Variants in ATR observed in about 807,000 individuals in gnomAD.
The protein encoded by ATR is serine/threonine-protein kinase ATR.
Under a neutral mutation model 305.3 loss-of-function variants are expected in ATR, and 142 were observed. The ratio of observed to expected loss-of-function variants is 0.47; its 90% CI spans 0.41 to 0.53. The LOEUF (loss-of-function observed/expected upper bound fraction) is 0.53. ATR is among the 20% of genes least tolerant of loss of function. ATR has a pLI of 0.00. For missense variants in ATR, 2,135 were observed against 3,133.1 expected, an observed-to-expected ratio of 0.68 and a Z score of 7.60; for synonymous variants, 1,050 against 1,068.1, an observed-to-expected ratio of 0.98 and a Z score of 0.33.
Position 142,509,324 on chromosome 3 carries a change from T to A in ATR, c.4853-1215A>T, listed in dbSNP as rs541872858. ...GACCATAGGCATGTGCCACCACGCC[T>A]GGCCAAGTTTTGTATTTTTTGTAAA... On this transcript the variant is annotated intron_variant, in intron 27 of 46. Transcript: ENST00000350721. Among the ~76,000 whole-genome samples the A allele has an allele frequency of 3.9e-5, 6 of 152,008 alleles. No individual in the cohort carries two copies. In the East Asian group the frequency reaches 1.2e-3, roughly 30 times the overall value.
intron 19 of ATR, 97 bp downstream of exon 19, chr3:142,538,385 A>C (rs1027175533): frequency 1.5e-6 from 2 of 1,365,494 alleles, no homozygotes; most frequent in Admixed American, 2.1e-5. Flanking sequence ...CCTGAAATTC[A>C]AAAAAGTGAC....
chr3:142,561,306 G>A lies in ATR; in HGVS notation c.1286C>T (p.Pro429Leu). Residue 429 changes from proline (P) to leucine (L), a missense_variant, in exon 5 of 47, where the codon CCC (proline) becomes CTC (leucine). Pro to Leu is a moderately conservative substitution (Grantham distance 98). Coordinates refer to ENST00000350721, the MANE Select transcript of ATR (RefSeq NM_001184.4). ...AGACGAGCTGAGACGACGCCTTTTG[G>A]GTGATATTCCATCACTATTACTGCT... The part of the protein sequence containing the change: ...NLSSNSDGIS[P>L]KRRRLSSSLN... 1 of 1,613,978 alleles carries A rather than the reference G, an allele frequency of 6.2e-7. No homozygotes were observed. The highest frequency in any genetic ancestry group is 8.5e-7 in the Non-Finnish European group (1 of 1,179,946).
rs1017800629 is a variant in ATR at position 142,521,085 on chromosome 3, C to T, written c.4267-1301G>A. On this transcript the variant is annotated intron_variant, in intron 23 of 46. Coordinates refer to ENST00000350721, the MANE Select transcript of ATR (RefSeq NM_001184.4). ...GGCTAAATCTAAATATATGCGTCTA[C>T]TATATACCCATAAAAATTGAAAATT... Among the ~76,000 whole-genome samples, 6 of 152,112 alleles carry T rather than the reference C, an allele frequency of 3.9e-5. No homozygotes were observed. The South Asian group carries it at 1.0e-3, about 26-fold the overall frequency.
intron 46 of ATR, chr3:142,451,543 G>A (rs560808389): frequency 3.0e-5 from 41 of 1,361,528 alleles, no homozygotes; most frequent in Non-Finnish European, 3.9e-5. Context: ...CCTATATCCA[G>A]AGTGGGCACT....
At chr3:142,486,092 C>G (rs1245107474) in intron 35 of ATR, among the ~76,000 whole-genome samples, 2 of 152,114 alleles carry the variant, frequency 1.3e-5, no homozygotes, top group African/African-American at 4.8e-5. Flanking sequence ...TTTTGCTGTT[C>G]CTGCCTTAAA....
intron 34 of ATR, among the ~76,000 whole-genome samples, chr3:142,496,086 A>C (rs2031573753): frequency 6.6e-6 from 1 of 151,608 alleles, no homozygotes; most frequent in Non-Finnish European, 1.5e-5. Context: ...AATGTAAGAT[A>C]GATGAAAACT....
chr3:142,504,860 G>C (rs533574436), intron 29 of ATR, among the ~76,000 whole-genome samples: 1 of 152,226 alleles, frequency 6.6e-6, no homozygotes, highest in Admixed American at 6.5e-5. Flanking sequence ...GACACTCAGT[G>C]ACACTGACAG....
At chr3:142,531,210 A>G (rs2033624776) in intron 21 of ATR, among the ~76,000 whole-genome samples, 1 of 152,130 alleles carries the variant, frequency 6.6e-6, no homozygotes, top group African/African-American at 2.4e-5. Flanking sequence ...CCATTATCCT[A>G]AGACAACCTG....
chr3:142,525,612 C>T (rs1345816000), intron 21 of ATR, among the ~76,000 whole-genome samples: 2 of 152,098 alleles, frequency 1.3e-5, no homozygotes, highest in African/African-American at 4.8e-5. Flanking sequence ...GATCTGGTGG[C>T]AGGTGTTTGG....
Position 142,481,100 on chromosome 3 carries a change from C to G in ATR, c.6221+4040G>C, listed in dbSNP as rs1031511856. On this transcript the variant is annotated intron_variant, in intron 36 of 46. Coordinates refer to ENST00000350721, the MANE Select transcript of ATR (RefSeq NM_001184.4). ...GTGCGCTGCACCCACTGTCCTGCAC[C>G]CACTGTCTGACAAGCCCCAGTGAGA... Among the ~76,000 whole-genome samples, 5 of 152,314 alleles carry G rather than the reference C, an allele frequency of 3.3e-5. No homozygotes were observed. The South Asian group carries it at 1.0e-3, about 32-fold the overall frequency.
chr3:142,528,877 A>ATTTTTTTT (rs201313146), intron 21 of ATR, among the ~76,000 whole-genome samples: 636 of 47,588 alleles, frequency 0.013, 12 homozygotes, highest in Non-Finnish European at 0.016. Flanking sequence ...ATATATATAT[A>ATTTTTTTT]TATTTTTTTT....
chr3:142,466,360 A>C lies in ATR; in HGVS notation c.6861T>G (p.Pro2287=). The C allele has an allele frequency of 6.2e-7, 1 of 1,614,018 alleles. No homozygotes were observed. Among genetic ancestry groups the C allele is most frequent in the Non-Finnish European group, 8.5e-7 (1 of 1,179,926 alleles). The change falls in exon 40 of 47, where the codon CCT becomes CCG. Residue 2287 remains proline (P), a synonymous_variant. Transcript: ENST00000350721. ...HANHASHEPF[P]GHWAYIAGFD... ...ACCCTGCAATATAGGCCCAATGTCC[A>C]GGAAATGGTTCATGGCTAGCATGGT...
At chr3:142,469,707 C>A in intron 37 of ATR, 138 bp from the exon 38 acceptor site, 2 of 716,658 alleles carry the variant, frequency 2.8e-6, no homozygotes, top group Non-Finnish European at 2.3e-6. Context: ...AGGTCACTTG[C>A]CAATTTGTGA....
chr3:142,485,739 A>G (rs1460446561), intron 35 of ATR, among the ~76,000 whole-genome samples: 1 of 152,200 alleles, frequency 6.6e-6, no homozygotes, highest in African/African-American at 2.4e-5. Context: ...AAATTTTGGT[A>G]AAATAAAAAT....
At chr3:142,540,267 A>G (rs1303790054) in intron 18 of ATR, among the ~76,000 whole-genome samples, 1 of 152,174 alleles carries the variant, frequency 6.6e-6, no homozygotes, top group Non-Finnish European at 1.5e-5. Context: ...GAGACACTTA[A>G]GGAGCCAGGC....
At chr3:142,452,215 G>A (rs1355847242) in intron 46 of ATR, 1 of 996,660 alleles carries the variant, frequency 1.0e-6, no homozygotes, top group Non-Finnish European at 1.2e-6. Flanking sequence ...GATGAAAGTG[G>A]ACTTAAACTC....
intron 24 of ATR, among the ~76,000 whole-genome samples, chr3:142,517,756 A>G (rs1258411103): frequency 6.6e-6 from 1 of 152,208 alleles, no homozygotes; most frequent in Non-Finnish European, 1.5e-5. Context: ...AAACATGACA[A>G]GTAGGCAGAA....
chr3:142,559,024 A>G (rs2034782356), intron 7 of ATR: 3 of 630,346 alleles, frequency 4.8e-6, no homozygotes, highest in Non-Finnish European at 7.9e-6. Context: ...CCCAAATTAA[A>G]AAACTTTGAA....
chr3:142,540,194 C>T (rs1045460075), intron 18 of ATR, among the ~76,000 whole-genome samples: 2 of 152,088 alleles, frequency 1.3e-5, no homozygotes, highest in African/African-American at 4.8e-5. Context: ...ATCCTAAAAT[C>T]TTAACAGCCT....
Sources: allele counts gnomAD v4.1 joint callset (sites outside exome capture counted in the v4.1 genomes callset), GRCh38; gene constraint gnomAD v4.1.1; transcripts MANE v1.5; gene names NCBI Gene and HGNC (gene_info 2026-07-23, HGNC 2026-07-21).